AGPAT3: variants seen among roughly 807,000 people sequenced by gnomAD.
AGPAT3 encodes the protein 1-acyl-sn-glycerol-3-phosphate acyltransferase gamma.
A neutral mutation model predicts 47.3 loss-of-function variants in AGPAT3; 5 were observed. The ratio of observed to expected loss-of-function variants is 0.11; its 90% CI spans 0.06 to 0.22. The LOEUF (loss-of-function observed/expected upper bound fraction) is 0.22, where lower values mean the gene tolerates loss of function less well. Among genes scored for constraint, AGPAT3 ranks in the 10% least tolerant of loss-of-function variants. AGPAT3 has a pLI of 1.00. For missense variants in AGPAT3, 315 were observed against 493.0 expected (o/e 0.64, Z 3.42); for synonymous variants, 212 against 208.3 (o/e 1.02, Z -0.15).
chr21:43,982,278 C>T lies in AGPAT3; in HGVS notation c.1043-26C>T, dbSNP rs760360928. ...AAAGGCAAAGTCATCCGTCTCACCT[C>T]TTCTCTCTCTCTCCTGTCTTGAAAG... On this transcript the variant is annotated intron_variant, in intron 9 of 9. Coordinates refer to ENST00000291572, the MANE Select transcript of AGPAT3 (RefSeq NM_020132.5). This position sits in a 1 kb window ranked among gnomAD's most constrained non-coding sequence, Gnocchi z 6.2. 1 of 1,582,056 alleles carries T rather than the reference C, an allele frequency of 6.3e-7. No homozygotes were observed. The highest frequency in any genetic ancestry group is 1.7e-5 in the Admixed American group (1 of 58,036).
chr21:43,938,978 A>AAGGCTGAGC (rs1460071321), intron 2 of AGPAT3, among the ~76,000 whole-genome samples: 1 of 152,072 alleles, frequency 6.6e-6, no homozygotes, highest in Non-Finnish European at 1.5e-5. Context: ...CACAGAAGTA[A>AAGGCTGAGC]AGGCTGAGCA....
chr21:43,946,085 G>T (rs867817302), intron 2 of AGPAT3, among the ~76,000 whole-genome samples: 15 of 152,222 alleles, frequency 9.9e-5, no homozygotes, highest in Non-Finnish European at 1.5e-4. Flanking sequence ...CTGCCCCAGG[G>T]ACGGGAGGGC....
intron 2 of AGPAT3, among the ~76,000 whole-genome samples, chr21:43,918,396 T>C (rs2086806346): frequency 6.6e-6 from 1 of 152,022 alleles, no homozygotes; most frequent in Non-Finnish European, 1.5e-5. Context: ...CCATCGGCAG[T>C]GTCCAGTGAA....
chr21:43,953,547 T>C (rs1435136684), intron 2 of AGPAT3, among the ~76,000 whole-genome samples: 3 of 152,224 alleles, frequency 2.0e-5, no homozygotes, highest in Non-Finnish European at 4.4e-5. Context: ...TAAAAGACTT[T>C]CAAGCCTAAT....
At chr21:43,977,270 C>T (rs1026356260) in intron 7 of AGPAT3, among the ~76,000 whole-genome samples, 59 of 152,136 alleles carry the variant, frequency 3.9e-4, no homozygotes, top group African/African-American at 1.3e-3. Flanking sequence ...TAATACTTTT[C>T]ATATTTGAAG....
At chr21:43,893,913 T>C (rs1357238137) in intron 1 of AGPAT3, among the ~76,000 whole-genome samples, 3 of 152,166 alleles carry the variant, frequency 2.0e-5, no homozygotes, top group Non-Finnish European at 4.4e-5. Context: ...TTTGAACGAT[T>C]GCGAAAATTA....
Position 43,982,475 on chromosome 21 carries a change from C to A in AGPAT3, c.*83C>A. On this transcript the variant is annotated 3_prime_UTR_variant, in exon 10 of 10. Transcript: ENST00000291572. The surrounding 1 kb of genome is among the most constrained non-coding windows in gnomAD (Gnocchi z 6.2). The stretch of plus-strand genomic sequence containing the variant: ...CCAACACACAGAGTGCAGGAAAAGA[C>A]AATTAGAAACTATTTTTCTTATTAA... 1 of 998,418 alleles carries A rather than the reference C, an allele frequency of 1.0e-6. No individual in the cohort carries two copies. Among genetic ancestry groups the A allele is most frequent in the Non-Finnish European group, 1.5e-6 (1 of 653,530 alleles). 61.8% of individuals were successfully genotyped at this position (998,418 alleles called of 1,614,324 possible).
At chr21:43,938,103 C>G (rs1486351724) in intron 2 of AGPAT3, among the ~76,000 whole-genome samples, 1 of 140,686 alleles carries the variant, frequency 7.1e-6, no homozygotes, top group Non-Finnish European at 1.6e-5. Context: ...CTCTCTCTCT[C>G]TCACACACAC....
intron 2 of AGPAT3, among the ~76,000 whole-genome samples, chr21:43,907,968 G>A (rs1358107992): frequency 1.3e-5 from 2 of 152,198 alleles, no homozygotes; most frequent in Non-Finnish European, 2.9e-5. Flanking sequence ...CCACGGGACC[G>A]AGTAGTCCCC....
chr21:43,873,445 C>T (rs1473880638), intron 1 of AGPAT3, among the ~76,000 whole-genome samples: 1 of 152,176 alleles, frequency 6.6e-6, no homozygotes, highest in Non-Finnish European at 1.5e-5. Flanking sequence ...AAGGAGAACA[C>T]AGGGCTTCTG....
chr21:43,912,518 A>G (rs1053310468), intron 2 of AGPAT3, among the ~76,000 whole-genome samples: 1 of 152,208 alleles, frequency 6.6e-6, no homozygotes, highest in African/African-American at 2.4e-5. Flanking sequence ...GTTCTTTCCA[A>G]TCTTTGTTTC....
At chr21:43,927,914 A>G (rs1279580439) in intron 2 of AGPAT3, among the ~76,000 whole-genome samples, 3 of 152,070 alleles carry the variant, frequency 2.0e-5, no homozygotes, top group Non-Finnish European at 4.4e-5. Flanking sequence ...ACCCCAGCCT[A>G]TAGGAGGCCA....
chr21:43,972,854 T>C (rs867525163), intron 7 of AGPAT3, among the ~76,000 whole-genome samples: 1 of 152,232 alleles, frequency 6.6e-6, no homozygotes, highest in African/African-American at 2.4e-5. Flanking sequence ...TTCATTCAAG[T>C]GTGTGCGGAA....
chr21:43,929,176 T>C (rs2087156569), intron 2 of AGPAT3, among the ~76,000 whole-genome samples: 1 of 152,240 alleles, frequency 6.6e-6, no homozygotes, highest in South Asian at 2.1e-4. Flanking sequence ...TGGGGAGCTC[T>C]GTGTGCCCAC....
At chr21:43,967,684 T>C (rs938848141) in intron 3 of AGPAT3, 11 of 442,654 alleles carry the variant, frequency 2.5e-5, no homozygotes, top group Admixed American at 1.1e-4. Flanking sequence ...AGAAGCGTAA[T>C]TGGGCGTAAA....
At chr21:43,888,282 C>A (rs950976886) in intron 1 of AGPAT3, among the ~76,000 whole-genome samples, 1 of 152,194 alleles carries the variant, frequency 6.6e-6, no homozygotes, top group Admixed American at 6.5e-5. Flanking sequence ...TCAAGCAATC[C>A]TCCTGTCTCA....
chr21:43,901,256 G>C (rs886614414), intron 1 of AGPAT3, among the ~76,000 whole-genome samples: 1 of 150,618 alleles, frequency 6.6e-6, no homozygotes. Context: ...CCTGGAGTTC[G>C]AGGCTGCAGT....
At chr21:43,891,855 C>T (rs530559665) in intron 1 of AGPAT3, among the ~76,000 whole-genome samples, 3 of 152,298 alleles carry the variant, frequency 2.0e-5, no homozygotes, top group East Asian at 3.9e-4. Flanking sequence ...TTTTGACCCC[C>T]TCCCATGAAT....
chr21:43,927,677 G>A (rs2087102557), intron 2 of AGPAT3, among the ~76,000 whole-genome samples: 1 of 152,216 alleles, frequency 6.6e-6, no homozygotes, highest in African/African-American at 2.4e-5. Flanking sequence ...CTATCTGTGG[G>A]AGCAGTGACT....
Sources: gnomAD v4.1 joint callset for allele counts (sites outside exome capture counted in the v4.1 genomes callset) on GRCh38, gnomAD v4.1.1 for gene constraint, Gnocchi (gnomAD v3.1) non-coding constraint, MANE v1.5 for transcripts, NCBI Gene and HGNC (gene_info 2026-07-23, HGNC 2026-07-21) for gene names.